The following LDLRAD3 variants were observed in gnomAD, a reference collection of about 807,000 sequenced individuals.
LDLRAD3 encodes low density lipoprotein receptor class A domain containing 3.
LDLRAD3 carries 20 observed loss-of-function variants against 29.4 expected under a neutral mutation model. The ratio of observed to expected loss-of-function variants is 0.68; its 90% CI spans 0.48 to 0.99. The LOEUF is 0.99. LDLRAD3 is among the 50% of genes least tolerant of loss of function. LDLRAD3 has a pLI of 0.00. For synonymous variants in LDLRAD3, 157 were observed against 192.7 expected, an observed-to-expected ratio of 0.81 and a Z score of 1.53; for missense variants, 420 against 454.3, an observed-to-expected ratio of 0.92 and a Z score of 0.69.
At chr11:35,957,749 T>C (rs577185933) in intron 1 of LDLRAD3, among the ~76,000 whole-genome samples, 53 of 140,310 alleles carry the variant, frequency 3.8e-4, no homozygotes, top group African/African-American at 1.3e-3. Flanking sequence ...GGAGCTGAGA[T>C]CGTGCCATTG....
chr11:36,054,335 A>T (rs1254501933), intron 2 of LDLRAD3, among the ~76,000 whole-genome samples: 2 of 152,186 alleles, frequency 1.3e-5, no homozygotes, highest in African/African-American at 2.4e-5. Context: ...CCTTTGTATG[A>T]CTGCAGGGGA....
chr11:36,195,466 C>T (rs531008715), intron 4 of LDLRAD3, among the ~76,000 whole-genome samples: 1 of 152,328 alleles, frequency 6.6e-6, no homozygotes, highest in Non-Finnish European at 1.5e-5. Context: ...GTTGTTCCAA[C>T]TGATTCTCTG....
intron 1 of LDLRAD3, chr11:36,010,299 A>C (rs1450162729): frequency 1.3e-5 from 2 of 154,394 alleles, no homozygotes; most frequent in African/African-American, 4.8e-5. Context: ...CTCTGCCTTC[A>C]GCAAATAGTC....
intron 4 of LDLRAD3, chr11:36,197,176 C>T (rs762498993): frequency 6.6e-6 from 1 of 152,224 alleles, no homozygotes; most frequent in Non-Finnish European, 1.5e-5. Context: ...AAAAAGAACA[C>T]TTCTTTCCAG....
chr11:36,162,709 G>A (rs765547284), intron 4 of LDLRAD3, among the ~76,000 whole-genome samples: 3 of 152,178 alleles, frequency 2.0e-5, no homozygotes, highest in Non-Finnish European at 4.4e-5. Flanking sequence ...ACTGGAGACT[G>A]ACTTAATTAG....
chr11:36,155,770 A>G (rs966268194), intron 4 of LDLRAD3, among the ~76,000 whole-genome samples: 1 of 152,144 alleles, frequency 6.6e-6, no homozygotes, highest in African/African-American at 2.4e-5. Context: ...CGCCTGGCTC[A>G]TAGTAGGTGC....
intron 1 of LDLRAD3, among the ~76,000 whole-genome samples, chr11:35,984,034 G>C (rs1177895527): frequency 6.6e-6 from 1 of 152,188 alleles, no homozygotes; most frequent in African/African-American, 2.4e-5. Context: ...TGCTTGTTGA[G>C]AAATCTGATG....
intron 1 of LDLRAD3, among the ~76,000 whole-genome samples, chr11:36,001,529 G>C (rs1311793284): frequency 6.6e-6 from 1 of 152,070 alleles, no homozygotes; most frequent in South Asian, 2.1e-4. Context: ...TGGGTGAAAT[G>C]GTTGCTTCAG....
Position 35,996,286 on chromosome 11 carries a change from G to A in LDLRAD3, c.47-39817G>A, listed in dbSNP as rs1181419622. Among the ~76,000 whole-genome samples the A allele has an allele frequency of 2.0e-5, 3 of 152,178 alleles. No individual in the cohort carries two copies. The East Asian group carries it at 5.8e-4, about 29-fold the overall frequency. ...ATTGTTGCGTCTCAAGGAATAGGGA[G>A]GCCCGAGGAGAGGTAAAGAAATTGG... On this transcript the variant is annotated intron_variant, in intron 1 of 5. Coordinates refer to ENST00000315571, the MANE Select transcript of LDLRAD3 (RefSeq NM_174902.4).
chr11:35,988,019 T>C (rs1030920599), intron 1 of LDLRAD3, among the ~76,000 whole-genome samples: 2 of 152,182 alleles, frequency 1.3e-5, no homozygotes, highest in African/African-American at 4.8e-5. Context: ...TAATGACATT[T>C]TTAAAAATAT....
At chr11:36,015,306 T>TCCCCCCCCCCCCCCCC (rs11347924) in intron 1 of LDLRAD3, among the ~76,000 whole-genome samples, 10 of 87,712 alleles carry the variant, frequency 1.1e-4, no homozygotes, top group Non-Finnish European at 2.1e-4. Context: ...GACATGCCAT[T>TCCCCCCCCCCCCCCCC]CCCCCCCCCC....
intron 2 of LDLRAD3, among the ~76,000 whole-genome samples, chr11:36,061,192 G>A (rs1030825090): frequency 2.1e-4 from 32 of 152,256 alleles, no homozygotes; most frequent in African/African-American, 7.2e-4. Flanking sequence ...AGGCTGTGAT[G>A]CAGTGGTGCA....
At chr11:36,060,136 C>T (rs1023189958) in intron 2 of LDLRAD3, among the ~76,000 whole-genome samples, 26 of 152,062 alleles carry the variant, frequency 1.7e-4, no homozygotes, top group Admixed American at 8.5e-4. Context: ...AGGTGGATCA[C>T]GAGGTCAGGT....
chr11:35,949,538 C>A (rs1485917769), intron 1 of LDLRAD3, among the ~76,000 whole-genome samples: 2 of 152,288 alleles, frequency 1.3e-5, no homozygotes, highest in South Asian at 2.1e-4. Context: ...CAACTTGATT[C>A]GTTCTGCAGG....
chr11:36,139,181 G>T (rs146865621), intron 4 of LDLRAD3, among the ~76,000 whole-genome samples: 10 of 152,152 alleles, frequency 6.6e-5, no homozygotes, highest in Admixed American at 1.3e-4. Flanking sequence ...CATCTCTGAG[G>T]TCTATCCATT....
intron 1 of LDLRAD3, among the ~76,000 whole-genome samples, chr11:35,958,843 A>G (rs995266699): frequency 6.6e-5 from 10 of 152,216 alleles, no homozygotes; most frequent in Middle Eastern, 3.4e-3. Flanking sequence ...ACCATACTAC[A>G]TGAGTACAAG....
At chr11:36,147,568 A>C (rs1175360772) in intron 4 of LDLRAD3, among the ~76,000 whole-genome samples, 1 of 152,236 alleles carries the variant, frequency 6.6e-6, no homozygotes, top group Non-Finnish European at 1.5e-5. Context: ...AGGGGTTAGA[A>C]CATGGACATA....
At chr11:36,069,177 C>T (rs1371325386) in intron 2 of LDLRAD3, among the ~76,000 whole-genome samples, 2 of 152,214 alleles carry the variant, frequency 1.3e-5, no homozygotes, top group African/African-American at 4.8e-5. Flanking sequence ...TTTGCAAAGG[C>T]TAGAATTCCA....
chr11:36,038,166 G>GGGATTAC (rs1468769574), intron 2 of LDLRAD3, among the ~76,000 whole-genome samples: 2 of 152,176 alleles, frequency 1.3e-5, no homozygotes, highest in African/African-American at 4.8e-5. Context: ...CCAACGTGCT[G>GGGATTAC]GGATTACAGA....
Sources: allele counts gnomAD v4.1 joint callset (sites outside exome capture counted in the v4.1 genomes callset), GRCh38; gene constraint gnomAD v4.1.1; transcripts MANE v1.5; gene names NCBI Gene and HGNC (gene_info 2026-07-23, HGNC 2026-07-21).